Variants in AGMO observed in about 807,000 individuals in gnomAD.
AGMO encodes the protein alkylglycerol monooxygenase.
A neutral mutation model predicts 60.2 loss-of-function variants in AGMO; 75 were observed. The observed-to-expected ratio is 1.25, with a 90% confidence interval of 1.03 to 1.51. The LOEUF (loss-of-function observed/expected upper bound fraction) is 1.51. AGMO is among the 40% of genes most tolerant of loss of function. The probability of loss-of-function intolerance (pLI) is 0.00; values close to 1 mark genes in which losing one functional copy is unlikely to be tolerated. For missense variants in AGMO, 763 were observed against 525.5 expected (o/e 1.45, Z -4.42); for synonymous variants, 261 against 177.1 (o/e 1.47, Z -3.76).
At chr7:15,556,460 G>C (rs1785143040) in intron 2 of AGMO, among the ~76,000 whole-genome samples, 1 of 151,736 alleles carries the variant, frequency 6.6e-6, no homozygotes, top group South Asian at 2.1e-4. Context: ...ATAATCTGCT[G>C]TTTCAACAGA....
In AGMO at chr7:15,322,575, AAT is replaced by A. The variant is rs1491498015; in HGVS notation, c.1263+42937_1263+42938del. Among the ~76,000 whole-genome samples, 163 of 41,554 alleles carry A rather than the reference AAT, an allele frequency of 3.9e-3. 8 individuals carry two copies. The highest frequency in any genetic ancestry group is 8.7e-3 in the African/African-American group (65 of 7,464). 27.3% of individuals were successfully genotyped at this position (41,554 alleles called of 152,430 possible). On this transcript the variant is annotated intron_variant, in intron 12 of 12. Transcript: ENST00000342526. ...ATATATAAATATATAAATATATATAAATATATATAAATATATAAATATATATA... is the reference window on the plus strand; with the variant it reads ...ATATATAAATATATAAATATATATAAATATATAAATATATAAATATATATA...
chr7:15,335,928 C>T (rs538514983), intron 12 of AGMO, among the ~76,000 whole-genome samples: 109 of 152,148 alleles, frequency 7.2e-4, no homozygotes, highest in African/African-American at 2.5e-3. Flanking sequence ...AAAACTAATC[C>T]AGAGAGAAAT....
At chr7:15,297,638 C>G (rs2128524530) in intron 12 of AGMO, among the ~76,000 whole-genome samples, 1 of 152,192 alleles carries the variant, frequency 6.6e-6, no homozygotes, top group East Asian at 1.9e-4. Context: ...AATCCTTTTC[C>G]TGGGAAAAGA....
chr7:15,355,121 A>T (rs1373196500), intron 12 of AGMO, among the ~76,000 whole-genome samples: 2 of 152,134 alleles, frequency 1.3e-5, no homozygotes, highest in South Asian at 4.1e-4. Context: ...TTTGGGATTA[A>T]TTTTAAATGT....
intron 10 of AGMO, among the ~76,000 whole-genome samples, chr7:15,380,742 G>A (rs1231476314): frequency 3.9e-5 from 6 of 152,088 alleles, no homozygotes; most frequent in Non-Finnish European, 8.8e-5. Context: ...TAAGTAAAAA[G>A]AACAAAGCTG....
At chr7:15,464,922 C>T (rs1249884537) in intron 3 of AGMO, among the ~76,000 whole-genome samples, 1 of 152,156 alleles carries the variant, frequency 6.6e-6, no homozygotes, top group East Asian at 1.9e-4. Flanking sequence ...GCAATTTTGG[C>T]AAGAAGCAAT....
At chr7:15,493,719 C>T (rs1158397869) in intron 3 of AGMO, among the ~76,000 whole-genome samples, 1 of 152,116 alleles carries the variant, frequency 6.6e-6, no homozygotes, top group Admixed American at 6.5e-5. Flanking sequence ...TTAGAGGCCT[C>T]ATGCCCCTTT....
intron 10 of AGMO, among the ~76,000 whole-genome samples, chr7:15,377,770 G>T (rs1301157277): frequency 1.3e-5 from 2 of 151,850 alleles, no homozygotes; most frequent in African/African-American, 4.8e-5. Context: ...TTCTACTTGG[G>T]GAGAACATAT....
At chr7:15,153,654 G>A in the AGMO span, among the ~76,000 whole-genome samples, 1 of 152,058 alleles carries the variant, frequency 6.6e-6, no homozygotes, top group Non-Finnish European at 1.5e-5. Context: ...TTGACTGTAA[G>A]CATTTGTGTT....
intron 12 of AGMO, among the ~76,000 whole-genome samples, chr7:15,308,358 CTTT>C (rs968517332): frequency 6.6e-6 from 1 of 151,964 alleles, no homozygotes; most frequent in Non-Finnish European, 1.5e-5. Context: ...CCCCACACTT[CTTT>C]TTTAAGGTTT....
At chr7:15,161,711 A>G in the AGMO span, among the ~76,000 whole-genome samples, 19 of 151,770 alleles carry the variant, frequency 1.3e-4, no homozygotes, top group African/African-American at 4.3e-4. Flanking sequence ...GTGTATACAT[A>G]CACACACATA....
At chr7:15,551,875 C>CA (rs1217444494) in intron 2 of AGMO, among the ~76,000 whole-genome samples, 2 of 151,942 alleles carry the variant, frequency 1.3e-5, no homozygotes, top group Admixed American at 6.6e-5. Flanking sequence ...AATCCTAAGC[C>CA]AAAAGAACAA....
intron 12 of AGMO, among the ~76,000 whole-genome samples, chr7:15,354,327 T>TGTATAC (rs1491261219): frequency 6.2e-5 from 2 of 32,224 alleles, no homozygotes; most frequent in Non-Finnish European, 5.3e-5. Context: ...TGTATATACG[T>TGTATAC]ACGCGTGTAT....
Position 15,381,693 on chromosome 7 carries a change from A to G in AGMO, c.1074+3753T>C, listed in dbSNP as rs551624284. ...TAGGTATACATACAAGGGAATATAA[A>G]TCATTCTTTTATAAAGTTAAATGCA... On this transcript the variant is annotated intron_variant, in intron 10 of 12. Coordinates refer to ENST00000342526, the MANE Select transcript of AGMO (RefSeq NM_001004320.2). Among the ~76,000 whole-genome samples the G allele has an allele frequency of 2.6e-5, 4 of 152,332 alleles. No individual in the cohort carries two copies. The East Asian group carries it at 7.7e-4, about 29-fold the overall frequency.
chr7:15,227,412 TAAAC>T (rs1262132909), intron 12 of AGMO, among the ~76,000 whole-genome samples: 7 of 151,136 alleles, frequency 4.6e-5, no homozygotes, highest in Admixed American at 3.3e-4. Flanking sequence ...CCCAAAGAGT[TAAAC>T]AAACAAATAT....
chr7:15,368,733 A>C lies in AGMO; in HGVS notation c.1075-2511T>G, dbSNP rs1328608234. 2.6e-5 allele frequency among the ~76,000 whole-genome samples: 4 copies of C among 152,266 alleles called. No individual in the cohort carries two copies. The East Asian group carries it at 7.7e-4, about 29-fold the overall frequency. On this transcript the variant is annotated intron_variant, in intron 10 of 12. Coordinates refer to ENST00000342526, the MANE Select transcript of AGMO (RefSeq NM_001004320.2). Reference sequence around the variant, plus strand: ...TGAGCAACTGAGAAGCATAAATAGAAGTTCTAATTAGCTCTTCCAGATGTC... The same window carrying C: ...TGAGCAACTGAGAAGCATAAATAGACGTTCTAATTAGCTCTTCCAGATGTC...
chr7:15,339,157 GA>G (rs1781754313), intron 12 of AGMO, among the ~76,000 whole-genome samples: 1 of 152,138 alleles, frequency 6.6e-6, no homozygotes, highest in African/African-American at 2.4e-5. Context: ...AGTCCTACAA[GA>G]GAGATGGGAG....
chr7:15,135,339 T>TAGAGA, the AGMO span, among the ~76,000 whole-genome samples: 1 of 152,116 alleles, frequency 6.6e-6, no homozygotes, highest in Non-Finnish European at 1.5e-5. Context: ...ACTGCCTCTC[T>TAGAGA]GTTCAAGGTA....
chr7:15,218,327 A>ATGTG (rs138890087), intron 12 of AGMO, among the ~76,000 whole-genome samples: 61,667 of 143,796 alleles, frequency 0.43, 13,632 homozygotes, highest in East Asian at 0.62. Flanking sequence ...TGGTGTGTGT[A>ATGTG]TGTGTGTGTG....
Sources: allele counts gnomAD v4.1 joint callset (sites outside exome capture counted in the v4.1 genomes callset), GRCh38; gene constraint gnomAD v4.1.1; transcripts MANE v1.5; gene names NCBI Gene and HGNC (gene_info 2026-07-23, HGNC 2026-07-21).